GALNTL6: variants seen among roughly 807,000 people sequenced by gnomAD.
GALNTL6 encodes the protein polypeptide N-acetylgalactosaminyltransferase like 6.
A neutral mutation model predicts 73.7 loss-of-function variants in GALNTL6; 46 were observed. That is an observed-to-expected ratio of 0.62 (90% confidence interval 0.49 to 0.80). The LOEUF is 0.80. Among genes scored for constraint, GALNTL6 ranks in the 30% least tolerant of loss-of-function variants. GALNTL6 has a pLI of 0.00. For missense variants in GALNTL6, 604 were observed against 755.0 expected (o/e 0.80, Z 2.34); for synonymous variants, 259 against 263.7 (o/e 0.98, Z 0.17).
At chr4:172,325,798 G>A (rs187100774) in intron 4 of GALNTL6, among the ~76,000 whole-genome samples, 238 of 151,572 alleles carry the variant, frequency 1.6e-3, no homozygotes, top group Non-Finnish European at 2.7e-3. Context: ...CATAGAAATG[G>A]AATACTAAAA....
rs138559399 is a variant in GALNTL6 at position 171,857,903 on chromosome 4, C to A, written c.138+43185C>A. ...CTGAGTCATAGCAGAATTTAGTGAA[C>A]CACATCTGTGTCTTGCCTGGTTCAT... On this transcript the variant is annotated intron_variant, in intron 2 of 12. Coordinates refer to ENST00000506823, the MANE Select transcript of GALNTL6 (RefSeq NM_001034845.3). Among the ~76,000 whole-genome samples, 700 of 152,264 alleles carry A rather than the reference C, an allele frequency of 4.6e-3. 5 individuals carry two copies. Among genetic ancestry groups the A allele is most frequent in the South Asian group, 8.1e-3 (39 of 4,824 alleles).
At chr4:172,007,011 G>A (rs1333707383) in intron 2 of GALNTL6, among the ~76,000 whole-genome samples, 2 of 151,982 alleles carry the variant, frequency 1.3e-5, no homozygotes, top group African/African-American at 4.8e-5. Flanking sequence ...TCTGTTTTCC[G>A]GAAAAGTAAT....
intron 2 of GALNTL6, among the ~76,000 whole-genome samples, chr4:172,131,066 G>A (rs1343447666): frequency 6.6e-6 from 1 of 151,892 alleles, no homozygotes; most frequent in African/African-American, 2.4e-5. Context: ...AATCCTAAAA[G>A]TGTTCTATTA....
chr4:172,949,012 T>G (rs1266775131), intron 9 of GALNTL6, among the ~76,000 whole-genome samples: 1 of 152,244 alleles, frequency 6.6e-6, no homozygotes. Context: ...AGTTAGTTCC[T>G]CTATGAGTTT....
At chr4:171,842,493 A>G (rs955296410) in intron 2 of GALNTL6, among the ~76,000 whole-genome samples, 1 of 152,126 alleles carries the variant, frequency 6.6e-6, no homozygotes, top group Non-Finnish European at 1.5e-5. Context: ...TTATAAAGAA[A>G]AGAGGTTTAA....
chr4:172,346,512 A>T (rs1236120818), intron 4 of GALNTL6, among the ~76,000 whole-genome samples: 1 of 152,156 alleles, frequency 6.6e-6, no homozygotes, highest in African/African-American at 2.4e-5. Flanking sequence ...GCCACCTTCA[A>T]TTCTCACTTG....
intron 7 of GALNTL6, among the ~76,000 whole-genome samples, chr4:172,880,456 C>T (rs1745398779): frequency 1.3e-5 from 2 of 151,886 alleles, no homozygotes; most frequent in South Asian, 4.2e-4. Flanking sequence ...TAGAAAATGC[C>T]AACTAATCTA....
At chr4:172,556,274 T>C (rs1027572391) in intron 5 of GALNTL6, among the ~76,000 whole-genome samples, 3 of 152,066 alleles carry the variant, frequency 2.0e-5, no homozygotes, top group African/African-American at 7.2e-5. Flanking sequence ...GTAGGAGATC[T>C]TCCTGTTTAT....
rs369497663 is a variant in GALNTL6, at chr4:172,908,609, A to AGAGTGT, written c.1042-22551_1042-22550insAGTGTG. 4.8e-5 allele frequency among the ~76,000 whole-genome samples: 7 copies of AGAGTGT among 145,980 alleles called. No individual in the cohort carries two copies. The East Asian group carries it at 1.4e-3, about 29-fold the overall frequency. ...CCTGGGTAAAATATGCATGAGCGTGAGTGTGTGTGTGTGTGTGTGTGTGTG... is the reference window on the plus strand; with the variant it reads ...CCTGGGTAAAATATGCATGAGCGTGAGAGTGTGTGTGTGTGTGTGTGTGTGTGTGTG... On this transcript the variant is annotated intron_variant, in intron 8 of 12. Transcript: ENST00000506823.
intron 8 of GALNTL6, 65 bp downstream of exon 8, chr4:172,882,972 C>A: frequency 1.2e-6 from 1 of 854,366 alleles, no homozygotes; most frequent in Non-Finnish European, 1.9e-6. Context: ...AGAATATCAG[C>A]ATGTTGCTCT....
chr4:172,116,730 C>T (rs1174026358), intron 2 of GALNTL6, among the ~76,000 whole-genome samples: 5 of 152,086 alleles, frequency 3.3e-5, no homozygotes, highest in Admixed American at 6.6e-5. Context: ...TCAAAGCACA[C>T]TTTTTAAAAC....
At chr4:171,852,997 C>A (rs1735563814) in intron 2 of GALNTL6, among the ~76,000 whole-genome samples, 1 of 150,624 alleles carries the variant, frequency 6.6e-6, no homozygotes, top group South Asian at 2.1e-4. Flanking sequence ...CAGGCGCCGC[C>A]ACCACGCCCG....
intron 2 of GALNTL6, among the ~76,000 whole-genome samples, chr4:171,826,128 G>A (rs1734818299): frequency 6.6e-6 from 1 of 152,058 alleles, no homozygotes; most frequent in Non-Finnish European, 1.5e-5. Flanking sequence ...AGCTCTCTTC[G>A]TCGTTTTTGG....
At chr4:171,949,655 C>T (rs1738809294) in intron 2 of GALNTL6, among the ~76,000 whole-genome samples, 1 of 151,646 alleles carries the variant, frequency 6.6e-6, no homozygotes, top group South Asian at 2.1e-4. Context: ...TAAAAAGTGT[C>T]AAAAGCAAGA....
At position 172,591,413 on chromosome 4, in the gene GALNTL6, C is replaced by CGTA. The variant is rs200156690; in HGVS notation, c.554-217948_554-217947insGTA. Among the ~76,000 whole-genome samples the CGTA allele has an allele frequency of 4.8e-5, 5 of 104,174 alleles. No individual in the cohort carries two copies. The Admixed American group carries it at 5.5e-4, about 11-fold the overall frequency. 68.3% of individuals were successfully genotyped at this position (104,174 alleles called of 152,430 possible). A position where few individuals can be genotyped will look rare whatever the true frequency, so the allele number is the denominator to read the frequency against. Reference sequence around the variant, plus strand: ...CCATTAGTAAGTTTCTTTTGAAACGCATAATTAGTATTTCACAGATTTTAA... The same window carrying CGTA: ...CCATTAGTAAGTTTCTTTTGAAACGCGTAATAATTAGTATTTCACAGATTTTAA... On this transcript the variant is annotated intron_variant, in intron 5 of 12. Coordinates refer to ENST00000506823, the MANE Select transcript of GALNTL6 (RefSeq NM_001034845.3).
At chr4:172,168,726 CAAG>C (rs1734715671) in intron 2 of GALNTL6, among the ~76,000 whole-genome samples, 1 of 151,912 alleles carries the variant, frequency 6.6e-6, no homozygotes, top group African/African-American at 2.4e-5. Context: ...TGGTGACGGT[CAAG>C]AAGATGAGGA....
rs79070117 is a variant in GALNTL6, at chr4:172,483,611, A to G, written c.553+134922A>G. On this transcript the variant is annotated intron_variant, in intron 5 of 12. Coordinates refer to ENST00000506823, the MANE Select transcript of GALNTL6 (RefSeq NM_001034845.3). ...TAAACTATTAAAAGTGAAAAACAAT[A>G]GAAAATTGAACGAACTGGGAGAAGA... Among the ~76,000 whole-genome samples, 25 of 152,356 alleles carry G rather than the reference A, an allele frequency of 1.6e-4. No individual in the cohort carries two copies. The East Asian group carries it at 4.4e-3, about 27-fold the overall frequency.
chr4:172,634,397 C>T (rs1188344050), intron 5 of GALNTL6, among the ~76,000 whole-genome samples: 1 of 151,970 alleles, frequency 6.6e-6, no homozygotes, highest in African/African-American at 2.4e-5. Flanking sequence ...TACCTGAACA[C>T]CTAGAACATG....
chr4:172,493,864 G>A (rs887974547), intron 5 of GALNTL6, among the ~76,000 whole-genome samples: 1 of 152,096 alleles, frequency 6.6e-6, no homozygotes, highest in Admixed American at 6.5e-5. Flanking sequence ...GTAAAGCCTT[G>A]TTTCCTCATA....
Sources: allele counts gnomAD v4.1 joint callset (sites outside exome capture counted in the v4.1 genomes callset), GRCh38; gene constraint gnomAD v4.1.1; transcripts MANE v1.5; gene names NCBI Gene and HGNC (gene_info 2026-07-23, HGNC 2026-07-21).